The following SMURF2 variants were observed in gnomAD, a reference collection of about 807,000 sequenced individuals.
The protein encoded by SMURF2 is E3 ubiquitin-protein ligase SMURF2.
SMURF2 carries 48 observed loss-of-function variants against 109.6 expected under a neutral mutation model. The observed-to-expected ratio is 0.44, with a 90% confidence interval of 0.35 to 0.56. SMURF2 has a LOEUF of 0.56. Among genes scored for constraint, SMURF2 ranks in the 20% least tolerant of loss-of-function variants. The pLI, the probability that SMURF2 is intolerant of heterozygous loss-of-function variation, is 0.01. For synonymous variants in SMURF2, 288 were observed against 317.1 expected (o/e 0.91, Z 0.97); for missense variants, 575 against 909.0 (o/e 0.63, Z 4.72).
chr17:64,557,748 ATTTT>A, intron 12 of SMURF2, 26 bp from the exon 13 acceptor site: 2 of 1,373,594 alleles, frequency 1.5e-6, no homozygotes, highest in Non-Finnish European at 2.0e-6. Flanking sequence ...TGACCAAGGA[ATTTT>A]TTTGTTAATG....
chr17:64,658,664 T>C (rs1168644180), intron 1 of SMURF2, among the ~76,000 whole-genome samples: 2 of 152,200 alleles, frequency 1.3e-5, no homozygotes, highest in Non-Finnish European at 2.9e-5. Flanking sequence ...CCTAAGAATT[T>C]AAAATATTAG....
chr17:64,605,865 T>A (rs1275643308), intron 2 of SMURF2, among the ~76,000 whole-genome samples: 2 of 148,340 alleles, frequency 1.3e-5, no homozygotes, highest in East Asian at 3.9e-4. Flanking sequence ...ATTTAAAAAT[T>A]TAATGAATCA....
chr17:64,623,928 C>T (rs569690962), intron 1 of SMURF2, among the ~76,000 whole-genome samples: 6 of 152,202 alleles, frequency 3.9e-5, no homozygotes, highest in Non-Finnish European at 7.3e-5. Context: ...GTTGTCTTGT[C>T]TATACATATT....
At chr17:64,631,668 A>G (rs1176925696) in intron 1 of SMURF2, among the ~76,000 whole-genome samples, 2 of 152,100 alleles carry the variant, frequency 1.3e-5, no homozygotes, top group Non-Finnish European at 2.9e-5. Context: ...AAAAAACAAA[A>G]CACCATGAAA....
chr17:64,593,207 C>CT (rs530314617), intron 4 of SMURF2: 774 of 214,820 alleles, frequency 3.6e-3, no homozygotes, highest in East Asian at 6.6e-3. Context: ...TAAAATGTTT[C>CT]TTTTTTTTTT....
At chr17:64,630,645 A>G (rs1970325707) in intron 1 of SMURF2, among the ~76,000 whole-genome samples, 1 of 152,224 alleles carries the variant, frequency 6.6e-6, no homozygotes, top group Non-Finnish European at 1.5e-5. Flanking sequence ...CCCAGAGTTG[A>G]AACAATTTTA....
chr17:64,585,684 A>G (rs539339913), intron 6 of SMURF2, among the ~76,000 whole-genome samples: 6 of 152,332 alleles, frequency 3.9e-5, no homozygotes, highest in African/African-American at 1.4e-4. Context: ...GCTCAATGAA[A>G]TCTTACTATG....
chr17:64,649,175 T>C (rs1198886626), intron 1 of SMURF2, among the ~76,000 whole-genome samples: 4 of 152,230 alleles, frequency 2.6e-5, no homozygotes, highest in Admixed American at 1.3e-4. Flanking sequence ...TCATTACACA[T>C]TGGAGTCAAA....
intron 6 of SMURF2, among the ~76,000 whole-genome samples, chr17:64,584,122 AGGCT>A (rs1969614319): frequency 6.6e-6 from 1 of 151,804 alleles, no homozygotes; most frequent in African/African-American, 2.4e-5. Context: ...GTTCAAGACC[AGGCT>A]GGCCAACATG....
intron 10 of SMURF2, among the ~76,000 whole-genome samples, chr17:64,568,524 CTAAAGCAGCAAAA>C (rs1408094369): frequency 2.6e-5 from 4 of 152,124 alleles, no homozygotes; most frequent in Non-Finnish European, 4.4e-5. Flanking sequence ...ATGTTACATA[CTAAAGCAGCAAAA>C]ATAAATGGGA....
At chr17:64,554,772 T>C (rs1458399796) in intron 15 of SMURF2, 84 bp downstream of exon 15, 8 of 1,271,972 alleles carry the variant, frequency 6.3e-6, no homozygotes, top group Non-Finnish European at 8.9e-6. Flanking sequence ...CACTAAGTAG[T>C]ACTATCTAAA....
intron 1 of SMURF2, 27 bp downstream of exon 1, chr17:64,661,802 C>T (rs1231324391): frequency 8.2e-6 from 10 of 1,219,098 alleles, no homozygotes; most frequent in Non-Finnish European, 1.0e-5. Context: ...CCGCGGCTGC[C>T]CAGCCCGGCC....
At chr17:64,566,247 AACT>A (rs1301813976) in intron 10 of SMURF2, among the ~76,000 whole-genome samples, 4 of 151,876 alleles carry the variant, frequency 2.6e-5, no homozygotes, top group Non-Finnish European at 5.9e-5. Context: ...ATCTTTTTAA[AACT>A]ACAATTTTAA....
chr17:64,610,563 C>T (rs1229860677), intron 1 of SMURF2, among the ~76,000 whole-genome samples: 1 of 152,080 alleles, frequency 6.6e-6, no homozygotes, highest in Non-Finnish European at 1.5e-5. Context: ...ACAATGAGAA[C>T]ACATGGACAC....
intron 1 of SMURF2, among the ~76,000 whole-genome samples, chr17:64,608,351 G>A (rs1555689246): frequency 5.9e-5 from 9 of 152,152 alleles, no homozygotes; most frequent in African/African-American, 2.2e-4. Context: ...AAATTATTAA[G>A]TAAGCACAAG....
chr17:64,556,413 G>A lies in SMURF2; in HGVS notation c.1432-415C>T, dbSNP rs116479140. 8.4e-4 allele frequency among the ~76,000 whole-genome samples: 128 copies of A among 152,154 alleles called. 1 individual carries two copies. The highest frequency in any genetic ancestry group is 3.0e-3 in the African/African-American group (125 of 41,504). On this transcript the variant is annotated intron_variant, in intron 13 of 18. Coordinates refer to ENST00000262435, the MANE Select transcript of SMURF2 (RefSeq NM_022739.4). Reference sequence around the variant, plus strand: ...AGAAATTAAACATCAAAACACCATAGATTTAAGAGCACAGACTTGGTGTCA... The same window carrying A: ...AGAAATTAAACATCAAAACACCATAAATTTAAGAGCACAGACTTGGTGTCA...
intron 1 of SMURF2, among the ~76,000 whole-genome samples, chr17:64,612,574 T>A (rs1203955135): frequency 1.3e-5 from 2 of 151,828 alleles, no homozygotes; most frequent in Non-Finnish European, 2.9e-5. Flanking sequence ...CTCAGGAGGC[T>A]GAGGCATGAG....
rs542193054 is a variant in SMURF2 at position 64,601,531 on chromosome 17, C to A, written c.92-3041G>T. Reference sequence around the variant, plus strand: ...TCACTCCTGCAAGAATGGCCATAATCAAAAAATTTAAAAATAACAGATGTT... The same window carrying A: ...TCACTCCTGCAAGAATGGCCATAATAAAAAAATTTAAAAATAACAGATGTT... On this transcript the variant is annotated intron_variant, in intron 2 of 18. Transcript: ENST00000262435. Among the ~76,000 whole-genome samples the A allele has an allele frequency of 6.6e-5, 10 of 152,074 alleles. No individual in the cohort carries two copies. The South Asian group carries it at 1.9e-3, about 28-fold the overall frequency.
chr17:64,554,334 T>C (rs78875423), intron 15 of SMURF2, among the ~76,000 whole-genome samples: 8,083 of 152,320 alleles, frequency 0.053, 313 homozygotes, highest in Admixed American at 0.13. Flanking sequence ...CTTAAAAAGA[T>C]CTAGCAGCTT....
Sources: gnomAD v4.1 joint callset for allele counts (sites outside exome capture counted in the v4.1 genomes callset) on GRCh38, gnomAD v4.1.1 for gene constraint, MANE v1.5 for transcripts, NCBI Gene and HGNC (gene_info 2026-07-23, HGNC 2026-07-21) for gene names.